MYH11: variants seen among roughly 807,000 people sequenced by gnomAD.
MYH11 encodes myosin heavy chain 11, also known as myosin-11.
In MYH11, 80 loss-of-function variants were observed where a neutral mutation model predicts 246.6. That is an observed-to-expected ratio of 0.32 (90% confidence interval 0.27 to 0.39). The LOEUF (loss-of-function observed/expected upper bound fraction) is 0.39, where lower values mean the gene tolerates loss of function less well. Ranked by LOEUF, MYH11 falls within the 10% of genes least tolerant of loss-of-function variation. The pLI is 1.00. For synonymous variants in MYH11, 1,071 were observed against 1,015.5 expected, an observed-to-expected ratio of 1.05 and a Z score of -1.04; for missense variants, 2,158 against 2,546.8, an observed-to-expected ratio of 0.85 and a Z score of 3.29.
At chr16:15,763,741 T>TGGGGGGGCCC in intron 10 of MYH11, 55 bp downstream of exon 10, 4 of 646,854 alleles carry the variant, frequency 6.2e-6, no homozygotes, top group Non-Finnish European at 5.8e-6. Flanking sequence ...AAATGTCACC[T>TGGGGGGGCCC]CCCCCACCCC....
At chr16:15,709,595 G>A (rs182155669) in intron 40 of MYH11, among the ~76,000 whole-genome samples, 13 of 152,312 alleles carry the variant, frequency 8.5e-5, no homozygotes, top group Admixed American at 7.2e-4. Context: ...GATTACAGGT[G>A]TGAGCCACTG....
At chr16:15,759,853 T>C (rs2041826205) in intron 11 of MYH11, 125 bp from the exon 12 acceptor site, 3 of 1,271,006 alleles carry the variant, frequency 2.4e-6, no homozygotes, top group African/African-American at 1.5e-5. Flanking sequence ...TCCCAGCACT[T>C]TGGGAGGCCG....
At chr16:15,722,701 A>C (rs2040548186) in intron 31 of MYH11, among the ~76,000 whole-genome samples, 2 of 152,178 alleles carry the variant, frequency 1.3e-5, no homozygotes, top group Non-Finnish European at 1.5e-5. Context: ...AGGGGTAGGG[A>C]ACCTGCAGGC....
chr16:15,707,720 C>G (rs1389151526), intron 40 of MYH11, among the ~76,000 whole-genome samples: 1 of 152,116 alleles, frequency 6.6e-6, no homozygotes, highest in Non-Finnish European at 1.5e-5. Flanking sequence ...GCTTGTAATC[C>G]CAGCATTTGG....
chr16:15,714,024 G>C (rs1157484663), intron 40 of MYH11: 1 of 152,358 alleles, frequency 6.6e-6, no homozygotes, highest in African/African-American at 2.4e-5. Flanking sequence ...GTACTGGTTG[G>C]CCCGGTAGAA....
At chr16:15,735,638 T>C (rs765533488) in intron 25 of MYH11, 60 bp from the exon 26 acceptor site, 28 of 1,589,854 alleles carry the variant, frequency 1.8e-5, no homozygotes, top group Non-Finnish European at 2.2e-5. Context: ...TCTCTTACAA[T>C]GTGGCCAAAA....
At chr16:15,754,501 T>TA (rs1008095811) in intron 14 of MYH11, among the ~76,000 whole-genome samples, 7 of 151,992 alleles carry the variant, frequency 4.6e-5, no homozygotes, top group African/African-American at 7.2e-5. Context: ...AAAATAATAA[T>TA]AAAAAAAATC....
At chr16:15,755,446 G>A (rs922565427) in intron 14 of MYH11, among the ~76,000 whole-genome samples, 5 of 152,092 alleles carry the variant, frequency 3.3e-5, no homozygotes, top group African/African-American at 9.7e-5. Flanking sequence ...AGTTGGCCCC[G>A]CCTGTTGGGT....
At chr16:15,752,900 C>G (rs2041610733) in intron 15 of MYH11, among the ~76,000 whole-genome samples, 2 of 152,094 alleles carry the variant, frequency 1.3e-5, no homozygotes, top group African/African-American at 4.8e-5. Flanking sequence ...ACAAAGCCTT[C>G]CAGGGGGTCA....
rs758396273 is a variant in MYH11, at chr16:15,748,003, C to T, written c.2180+44G>A. ...TCCAGCATCCATTCCTCCACCCAGTCCCGCTCACCCCCTGCCCTACCTGGG... is the reference window on the plus strand; with the variant it reads ...TCCAGCATCCATTCCTCCACCCAGTTCCGCTCACCCCCTGCCCTACCTGGG... On this transcript the variant is annotated intron_variant, in intron 17 of 40. Transcript: ENST00000300036. The T allele has an allele frequency of 1.2e-5, 19 of 1,614,198 alleles. 1 individual carries two copies. In the South Asian group the frequency reaches 1.5e-4, roughly 13 times the overall value.
At chr16:15,841,200 G>T (rs181911041) in intron 1 of MYH11, among the ~76,000 whole-genome samples, 8 of 152,172 alleles carry the variant, frequency 5.3e-5, no homozygotes, top group Non-Finnish European at 1.5e-5. Flanking sequence ...GGGCAGTGGT[G>T]CAATCTTGGC....
chr16:15,717,308 G>A lies in MYH11; in HGVS notation c.5336C>T (p.Thr1779Met), dbSNP rs201960644. 3.7e-4 allele frequency: 602 copies of A among 1,611,998 alleles called. 2 individuals are homozygous for A. Among genetic ancestry groups the A allele is most frequent in the Middle Eastern group, 3.3e-4 (2 of 6,060 alleles). ...CCGGGCACTCTCATTCTTCTGGGCC[G>A]TGCTGCGCTCTGTGGCCAGCTCGTT... is the stretch of plus-strand genomic sequence containing the variant. ...LSNELATERS[T>M]AQKNESARQQ... is the part of the protein sequence containing the mutation. Residue 1779 changes from threonine (T) to methionine (M), a missense_variant, in exon 38 of 41, where the codon ACG becomes ATG. Coordinates refer to ENST00000300036, the MANE Select transcript of MYH11 (RefSeq NM_002474.3).
At position 15,735,094 on chromosome 16, in the gene MYH11, G is replaced by A. The variant is rs183538664; in HGVS notation, c.3506+272C>T. Among the ~76,000 whole-genome samples, 5 of 150,554 alleles carry A rather than the reference G, an allele frequency of 3.3e-5. No individual in the cohort carries two copies. In the East Asian group the frequency reaches 7.8e-4, roughly 24 times the overall value. On this transcript the variant is annotated intron_variant, in intron 26 of 40. Transcript: ENST00000300036. ...CTCAGGAGGCTGAGGCATGAGAATCGCTTAAATCTCAGAGGTGGAGGTTGC... is the reference window on the plus strand; with the variant it reads ...CTCAGGAGGCTGAGGCATGAGAATCACTTAAATCTCAGAGGTGGAGGTTGC...
chr16:15,802,158 G>A (rs2042902632), intron 3 of MYH11, among the ~76,000 whole-genome samples: 2 of 152,088 alleles, frequency 1.3e-5, no homozygotes, highest in Admixed American at 6.6e-5. Context: ...AAACCATCAT[G>A]ACCACAAAGC....
chr16:15,706,716 A>C (rs1287552656), intron 40 of MYH11, among the ~76,000 whole-genome samples: 1 of 151,238 alleles, frequency 6.6e-6, no homozygotes, highest in Admixed American at 6.6e-5. Flanking sequence ...AAAAAAAAAC[A>C]AAAAAAAATC....
chr16:15,796,221 T>C (rs763322236), intron 4 of MYH11, among the ~76,000 whole-genome samples: 7 of 152,314 alleles, frequency 4.6e-5, no homozygotes, highest in Non-Finnish European at 1.0e-4. Context: ...TTCTGCAATA[T>C]ACTTGCCACT....
intron 35 of MYH11, 83 bp downstream of exon 35, chr16:15,719,502 C>A: frequency 6.2e-7 from 1 of 1,601,566 alleles, no homozygotes; most frequent in South Asian, 1.1e-5. Flanking sequence ...GAAATGAAAT[C>A]TGGGAATGCA....
chr16:15,762,782 C>G (rs1204027408), intron 10 of MYH11, among the ~76,000 whole-genome samples: 1 of 152,218 alleles, frequency 6.6e-6, no homozygotes, highest in Non-Finnish European at 1.5e-5. Context: ...TACTCTTACT[C>G]TATCGCAATT....
At chr16:15,809,257 C>T (rs894193404) in intron 3 of MYH11, among the ~76,000 whole-genome samples, 8 of 152,110 alleles carry the variant, frequency 5.3e-5, no homozygotes, top group South Asian at 2.1e-4. Flanking sequence ...AATGACCGGG[C>T]GTGGTGGATC....
Sources: gnomAD v4.1 joint callset for allele counts (sites outside exome capture counted in the v4.1 genomes callset) on GRCh38, gnomAD v4.1.1 for gene constraint, MANE v1.5 for transcripts, NCBI Gene and HGNC (gene_info 2026-07-23, HGNC 2026-07-21) for gene names.